ZBTB17: variants seen among roughly 807,000 people sequenced by gnomAD.
The protein encoded by ZBTB17 is zinc finger and BTB domain-containing protein 17.
ZBTB17 carries 24 observed loss-of-function variants against 85.1 expected under a neutral mutation model. That is an observed-to-expected ratio of 0.28 (90% CI 0.20 to 0.40). The LOEUF (loss-of-function observed/expected upper bound fraction) is 0.40, where lower values mean the gene tolerates loss of function less well. Ranked by LOEUF, ZBTB17 falls within the 10% of genes least tolerant of loss-of-function variation. The pLI is 1.00. For synonymous variants in ZBTB17, 464 were observed against 460.2 expected (o/e 1.01, Z -0.11); for missense variants, 743 against 1,105.1 (o/e 0.67, Z 4.65).
intron 2 of ZBTB17, among the ~76,000 whole-genome samples, chr1:15,949,948 G>A (rs946812305): frequency 3.6e-4 from 55 of 152,224 alleles, no homozygotes; most frequent in Non-Finnish European, 6.9e-4. Context: ...ACCAGCCTCC[G>A]AGCCACAAGT....
intron 2 of ZBTB17, among the ~76,000 whole-genome samples, chr1:15,968,566 A>C (rs1207867235): frequency 6.6e-6 from 1 of 152,172 alleles, no homozygotes; most frequent in East Asian, 1.9e-4. Flanking sequence ...GGGAACTGGG[A>C]ATGGCTCAGA....
At chr1:15,967,139 G>A (rs2072470182) in intron 2 of ZBTB17, among the ~76,000 whole-genome samples, 1 of 152,078 alleles carries the variant, frequency 6.6e-6, no homozygotes, top group Admixed American at 6.6e-5. Flanking sequence ...CTTTGGGATG[G>A]CGCAGGTAGG....
At chr1:15,948,214 T>C (rs766203035) in intron 3 of ZBTB17, 77 bp downstream of exon 3, 6 of 1,568,974 alleles carry the variant, frequency 3.8e-6, no homozygotes, top group Non-Finnish European at 5.2e-6. Flanking sequence ...GTGCTGCCCC[T>C]GGAGGGCCTA....
rs2148783007 is a variant in ZBTB17, at chr1:15,953,960, ATACCCC to A, written c.-2-5469_-2-5464del. Among the ~76,000 whole-genome samples the A allele has an allele frequency of 6.6e-6, 1 of 152,324 alleles. No individual in the cohort carries two copies. The highest frequency in any genetic ancestry group is 1.9e-4 in the East Asian group (1 of 5,188). On this transcript the variant is annotated intron_variant, in intron 2 of 15. Transcript: ENST00000375743. This position sits in a 1 kb window ranked among gnomAD's most constrained non-coding sequence, Gnocchi z 5.1. ...AAAGTCTTTATCAGATGGTTTCTAT[ATACCCC>A]TTTGCACTGGGCACATGGGGTACTT...
intron 2 of ZBTB17, among the ~76,000 whole-genome samples, chr1:15,957,080 T>C (rs980595128): frequency 1.3e-5 from 2 of 150,356 alleles, no homozygotes; most frequent in African/African-American, 2.5e-5. Flanking sequence ...CTCAAGAGGC[T>C]GAGGCAGGAG....
At chr1:15,947,779 C>T (rs2071674290) in intron 3 of ZBTB17, among the ~76,000 whole-genome samples, 1 of 152,202 alleles carries the variant, frequency 6.6e-6, no homozygotes, top group Admixed American at 6.5e-5. Context: ...TCAGTTTCCA[C>T]ATCTATAAAA....
chr1:15,946,379 C>T, intron 4 of ZBTB17, 85 bp from the exon 5 acceptor site: 2 of 1,549,322 alleles, frequency 1.3e-6, no homozygotes, highest in Admixed American at 1.8e-5. Flanking sequence ...CTTGCTAGGT[C>T]TTCCTCGTCC....
rs2071370731 is a variant in ZBTB17, at chr1:15,941,898, G to A, written c.*71C>T. 4 of 1,526,782 alleles carry A rather than the reference G, an allele frequency of 2.6e-6. No homozygotes were observed. Among genetic ancestry groups the A allele is most frequent in the Non-Finnish European group, 3.5e-6 (4 of 1,138,494 alleles). The allele number at this position is 1,526,782 out of a possible 1,614,324, so 94.6% of individuals were successfully genotyped here. A position where few individuals can be genotyped will look rare whatever the true frequency, so the allele number is the denominator to read the frequency against. On this transcript the variant is annotated 3_prime_UTR_variant, in exon 16 of 16. Coordinates refer to ENST00000375743, the MANE Select transcript of ZBTB17 (RefSeq NM_003443.3). The stretch of plus-strand genomic sequence containing the variant: ...AAAATAATCCAATTTATTCTCTCTA[G>A]GGAACAGGCCACCCTTCCCGGTTCC...
chr1:15,942,899 G>A, intron 13 of ZBTB17, 161 bp from the exon 14 acceptor site: 1 of 1,332,816 alleles, frequency 7.5e-7, no homozygotes, highest in African/African-American at 1.5e-5. Context: ...ACCTCTGGAA[G>A]CTCTAGGAAA....
intron 2 of ZBTB17, among the ~76,000 whole-genome samples, chr1:15,949,237 G>A (rs984838885): frequency 6.6e-6 from 1 of 152,128 alleles, no homozygotes; most frequent in Non-Finnish European, 1.5e-5. Flanking sequence ...TTAATGCCTG[G>A]AAATCCCACA....
chr1:15,941,890 T>C lies in ZBTB17; in HGVS notation c.*79A>G, dbSNP rs1461152307. Reference sequence around the variant, plus strand: ...AGCATTAGAAAATAATCCAATTTATTCTCTCTAGGGAACAGGCCACCCTTC... The same window carrying C: ...AGCATTAGAAAATAATCCAATTTATCCTCTCTAGGGAACAGGCCACCCTTC... On this transcript the variant is annotated 3_prime_UTR_variant, in exon 16 of 16. Transcript: ENST00000375743. The C allele has an allele frequency of 6.7e-7, 1 of 1,499,846 alleles. No homozygotes were observed. Among genetic ancestry groups the C allele is most frequent in the Non-Finnish European group, 8.9e-7 (1 of 1,124,540 alleles). 92.9% of individuals were successfully genotyped at this position (1,499,846 alleles called of 1,614,324 possible).
chr1:15,947,721 A>G (rs2071671066), intron 3 of ZBTB17, among the ~76,000 whole-genome samples: 1 of 151,826 alleles, frequency 6.6e-6, no homozygotes, highest in Admixed American at 6.6e-5. Flanking sequence ...TCTGCTACCA[A>G]CTCTCTATCT....
chr1:15,962,633 G>A (rs889727696), intron 2 of ZBTB17, among the ~76,000 whole-genome samples: 1 of 152,166 alleles, frequency 6.6e-6, no homozygotes, highest in African/African-American at 2.4e-5. Flanking sequence ...TGCCCTTTCC[G>A]CTATAGAAAA....
intron 9 of ZBTB17, 129 bp downstream of exon 9, chr1:15,944,171 C>G: frequency 4.4e-6 from 6 of 1,367,416 alleles, no homozygotes; most frequent in Non-Finnish European, 6.0e-6. Flanking sequence ...GCGCCTGTTT[C>G]CTGGGTGAAC....
chr1:15,954,074 A>C (rs1326091507), intron 2 of ZBTB17, among the ~76,000 whole-genome samples: 1 of 152,202 alleles, frequency 6.6e-6, no homozygotes, highest in Non-Finnish European at 1.5e-5. Context: ...GCATGAAGAC[A>C]GGGAGGAAGT....
At chr1:15,975,916 C>A in intron 1 of ZBTB17, 67 bp downstream of exon 1, 1 of 694,786 alleles carries the variant, frequency 1.4e-6, no homozygotes, top group Non-Finnish European at 2.6e-6. Flanking sequence ...CCACCGCGCC[C>A]CATCCTCCGC....
intron 2 of ZBTB17, among the ~76,000 whole-genome samples, chr1:15,958,744 C>A (rs1055600498): frequency 1.3e-5 from 2 of 152,152 alleles, no homozygotes; most frequent in Non-Finnish European, 1.5e-5. Flanking sequence ...CGTGACCACA[C>A]CTAAAGACAG....
Position 15,943,710 on chromosome 1 carries a change from G to A in ZBTB17, c.1465C>T (p.Leu489=), listed in dbSNP as rs1295693018. ...CGKQFTTSGN[L]KRHLRIHSGE... is the part of the protein sequence containing the mutation. ...CTGTGGATCCGAAGGTGCCGCTTCA[G>A]GTTCCCTGTGGCGAGACCGAGGGCG... The change falls in exon 11 of 16, where the codon CTG becomes TTG. Residue 489 remains leucine (L), a synonymous_variant. Coordinates refer to ENST00000375743, the MANE Select transcript of ZBTB17 (RefSeq NM_003443.3). 2.5e-6 allele frequency: 4 copies of A among 1,613,288 alleles called. No individual in the cohort carries two copies. The highest frequency in any genetic ancestry group is 1.7e-4 in the Middle Eastern group (1 of 6,060).
At position 15,943,732 on chromosome 1, in the gene ZBTB17, G is replaced by T. The variant is rs762002959; in HGVS notation, c.1460-17C>A. On this transcript the variant is annotated splice_polypyrimidine_tract_variant and intron_variant, in intron 10 of 15. Transcript: ENST00000375743. ...TCAGGTTCCCTGTGGCGAGACCGAGGGCGAACCTGGCGTGGGGCACCACCG... is the reference window on the plus strand; with the variant it reads ...TCAGGTTCCCTGTGGCGAGACCGAGTGCGAACCTGGCGTGGGGCACCACCG... 1 of 1,613,022 alleles carries T rather than the reference G, an allele frequency of 6.2e-7. No homozygotes were observed. The highest frequency in any genetic ancestry group is 8.5e-7 in the Non-Finnish European group (1 of 1,179,832).
Sources: allele counts gnomAD v4.1 joint callset (sites outside exome capture counted in the v4.1 genomes callset), GRCh38; gene constraint gnomAD v4.1.1; non-coding constraint Gnocchi (gnomAD v3.1); transcripts MANE v1.5; gene names NCBI Gene and HGNC (gene_info 2026-07-23, HGNC 2026-07-21).